Variants in FOXP2 observed in about 807,000 individuals in gnomAD.
FOXP2 encodes forkhead box protein P2.
Under a neutral mutation model 115.8 loss-of-function variants are expected in FOXP2, and 12 were observed. The ratio of observed to expected loss-of-function variants is 0.10; its 90% CI spans 0.07 to 0.17. The LOEUF (loss-of-function observed/expected upper bound fraction) is 0.17. FOXP2 is among the 10% of genes least tolerant of loss of function. The probability of loss-of-function intolerance (pLI) is 1.00; values close to 1 mark genes in which losing one functional copy is unlikely to be tolerated. For missense variants in FOXP2, 629 were observed against 843.5 expected, an observed-to-expected ratio of 0.75 and a Z score of 3.15; for synonymous variants, 328 against 297.7, an observed-to-expected ratio of 1.10 and a Z score of -1.05.
chr7:114,663,019 A>G (rs1323810799), intron 14 of FOXP2, among the ~76,000 whole-genome samples: 2 of 152,154 alleles, frequency 1.3e-5, no homozygotes, highest in East Asian at 1.9e-4. Context: ...TTGTCATTTA[A>G]TTAACTATGG....
intron 2 of FOXP2, among the ~76,000 whole-genome samples, chr7:114,454,150 A>T (rs957608764): frequency 6.6e-6 from 1 of 151,146 alleles, no homozygotes; most frequent in Non-Finnish European, 1.5e-5. Context: ...AGAATCTACA[A>T]TGAACTCAAA....
chr7:114,644,658 A>G, intron 7 of FOXP2, 27 bp from the exon 8 acceptor site: 1 of 1,585,548 alleles, frequency 6.3e-7, no homozygotes, highest in Non-Finnish European at 8.7e-7. Context: ...TTTGAGATGA[A>G]TCTGACGTCG....
At chr7:114,147,545 A>T (rs1792409814) in intron 1 of FOXP2, among the ~76,000 whole-genome samples, 1 of 152,118 alleles carries the variant, frequency 6.6e-6, no homozygotes, top group Admixed American at 6.6e-5. Flanking sequence ...ATGCACCAAA[A>T]GGCTCCTCCA....
At chr7:114,686,417 C>T (rs1808368097) in intron 16 of FOXP2, among the ~76,000 whole-genome samples, 1 of 152,224 alleles carries the variant, frequency 6.6e-6, no homozygotes, top group African/African-American at 2.4e-5. Context: ...AAGTGATCCA[C>T]CCACCTTGGC....
At chr7:114,528,556 T>G (rs371929812) in intron 2 of FOXP2, among the ~76,000 whole-genome samples, 2 of 152,036 alleles carry the variant, frequency 1.3e-5, no homozygotes, top group East Asian at 3.8e-4. Context: ...CTTCCAAATA[T>G]TTTCCCAAAT....
At chr7:114,259,360 G>C (rs1394326051) in intron 1 of FOXP2, among the ~76,000 whole-genome samples, 1 of 152,178 alleles carries the variant, frequency 6.6e-6, no homozygotes, top group Non-Finnish European at 1.5e-5. Context: ...TATGTTCAGT[G>C]ACCTAACATT....
intron 1 of FOXP2, among the ~76,000 whole-genome samples, chr7:114,198,832 G>A (rs1333478180): frequency 2.0e-5 from 3 of 152,120 alleles, no homozygotes; most frequent in African/African-American, 7.2e-5. Flanking sequence ...TATGAAATTG[G>A]GATCTGGCAA....
At chr7:114,311,643 A>G (rs1336926012) in intron 2 of FOXP2, among the ~76,000 whole-genome samples, 1 of 152,134 alleles carries the variant, frequency 6.6e-6, no homozygotes, top group Non-Finnish European at 1.5e-5. Context: ...GGCCAGAGTG[A>G]CAACTGGTAG....
chr7:114,357,855 A>ATCCT (rs1374924636), intron 2 of FOXP2, among the ~76,000 whole-genome samples: 1 of 152,162 alleles, frequency 6.6e-6, no homozygotes, highest in East Asian at 1.9e-4. Context: ...GAGTAATACT[A>ATCCT]TCCTTCTTGC....
At chr7:114,623,348 C>T (rs918003145) in intron 3 of FOXP2, among the ~76,000 whole-genome samples, 1 of 151,836 alleles carries the variant, frequency 6.6e-6, no homozygotes, top group African/African-American at 2.4e-5. Context: ...GCGATCAAGA[C>T]TGCTAATGCA....
At chr7:114,239,669 G>A (rs1427572382) in intron 1 of FOXP2, among the ~76,000 whole-genome samples, 2 of 152,100 alleles carry the variant, frequency 1.3e-5, no homozygotes, top group Non-Finnish European at 2.9e-5. Context: ...ACAAAAAAAG[G>A]CATAAACAAA....
At chr7:114,482,106 A>G (rs1216837727) in intron 2 of FOXP2, among the ~76,000 whole-genome samples, 4 of 151,420 alleles carry the variant, frequency 2.6e-5, no homozygotes, top group Non-Finnish European at 3.0e-5. Flanking sequence ...ACTCAATATA[A>G]CAGGAGGATC....
chr7:114,285,597 C>A (rs1796447773), intron 1 of FOXP2: 1 of 152,028 alleles, frequency 6.6e-6, no homozygotes, highest in Non-Finnish European at 1.5e-5. Flanking sequence ...ATAATTTATG[C>A]TTTTGTTAGC....
chr7:114,537,339 A>T (rs1799445893), intron 3 of FOXP2, among the ~76,000 whole-genome samples: 1 of 151,592 alleles, frequency 6.6e-6, no homozygotes, highest in Admixed American at 6.6e-5. Flanking sequence ...ATGGTTCTTA[A>T]TATGTCAGGC....
intron 1 of FOXP2, among the ~76,000 whole-genome samples, chr7:114,284,479 T>C (rs1022501246): frequency 1.3e-5 from 2 of 152,214 alleles, no homozygotes; most frequent in Non-Finnish European, 2.9e-5. Flanking sequence ...TTATTTTCTT[T>C]TTATGGCTTT....
chr7:114,303,123 G>T (rs1298711598), intron 2 of FOXP2, among the ~76,000 whole-genome samples: 4 of 152,110 alleles, frequency 2.6e-5, no homozygotes, highest in African/African-American at 4.8e-5. Context: ...GTCATAATTT[G>T]TTACACAGCA....
intron 2 of FOXP2, among the ~76,000 whole-genome samples, chr7:114,439,828 C>G (rs951201814): frequency 2.0e-4 from 31 of 152,106 alleles, no homozygotes; most frequent in African/African-American, 7.2e-4. Context: ...CCCGCCTTGA[C>G]CTCCACAAGT....
At chr7:114,621,029 A>G (rs998195654) in intron 3 of FOXP2, among the ~76,000 whole-genome samples, 2 of 152,046 alleles carry the variant, frequency 1.3e-5, no homozygotes, top group African/African-American at 4.8e-5. Context: ...TTGCTTTGAC[A>G]GCCCATAAGT....
chr7:114,571,110 G>A (rs1801278756), intron 3 of FOXP2, among the ~76,000 whole-genome samples: 1 of 151,926 alleles, frequency 6.6e-6, no homozygotes, highest in African/African-American at 2.4e-5. Context: ...GTTTCTGTGA[G>A]TTGACTACCT....
Sources: allele counts gnomAD v4.1 joint callset (sites outside exome capture counted in the v4.1 genomes callset), GRCh38; gene constraint gnomAD v4.1.1; transcripts MANE v1.5; gene names NCBI Gene and HGNC (gene_info 2026-07-23, HGNC 2026-07-21).